ATG7: variants seen among roughly 807,000 people sequenced by gnomAD.
ATG7 encodes autophagy related 7.
In ATG7, 70 loss-of-function variants were observed where a neutral mutation model predicts 82.4. The observed-to-expected ratio is 0.85, with a 90% CI of 0.70 to 1.04. ATG7 has a LOEUF of 1.04. ATG7 is among the 50% of genes least tolerant of loss of function. The probability of loss-of-function intolerance (pLI) is 0.00; values close to 1 mark genes in which losing one functional copy is unlikely to be tolerated. For synonymous variants in ATG7, 287 were observed against 313.0 expected (o/e 0.92, Z 0.88); for missense variants, 792 against 864.3 (o/e 0.92, Z 1.05).
In ATG7 at chr3:11,497,359, A is replaced by ATATATATATG. The variant is rs1279695737; in HGVS notation, c.2080-57443_2080-57442insGTATATATAT. Among the ~76,000 whole-genome samples, 297 of 37,194 alleles carry ATATATATATG rather than the reference A, an allele frequency of 8.0e-3. 6 individuals carry two copies. The highest frequency in any genetic ancestry group is 0.023 in the African/African-American group (265 of 11,406). The allele number at this position is 37,194 out of a possible 152,430, so 24.4% of individuals were successfully genotyped here. ...AAACCCCGTCTGTACTAAAAATACT[A>ATATATATATG]TATATATATATATATATATATATAT... On this transcript the variant is annotated intron_variant, in intron 20 of 20. Coordinates refer to ENST00000693202, the MANE Select transcript of ATG7 (RefSeq NM_001349232.2).
intron 20 of ATG7, among the ~76,000 whole-genome samples, chr3:11,517,915 A>C (rs2092329494): frequency 6.6e-6 from 1 of 152,234 alleles, no homozygotes; most frequent in Non-Finnish European, 1.5e-5. Flanking sequence ...TCAGATTCCT[A>C]CTTCAGAAAG....
intron 19 of ATG7, among the ~76,000 whole-genome samples, chr3:11,388,705 GGT>G (rs2078519631): frequency 6.6e-6 from 1 of 151,922 alleles, no homozygotes; most frequent in African/African-American, 2.4e-5. Context: ...TGGGATTACA[GGT>G]GTGAGCCACT....
At chr3:11,520,558 C>T (rs1188562920) in intron 20 of ATG7, among the ~76,000 whole-genome samples, 1 of 152,140 alleles carries the variant, frequency 6.6e-6, no homozygotes, top group African/African-American at 2.4e-5. Context: ...GCCGTGCTGG[C>T]CCTGGAGGAA....
At chr3:11,361,101 T>TTAC (rs2076253239) in intron 16 of ATG7, among the ~76,000 whole-genome samples, 1 of 152,126 alleles carries the variant, frequency 6.6e-6, no homozygotes, top group African/African-American at 2.4e-5. Flanking sequence ...CAAGATAACA[T>TTAC]TACAAATCAG....
chr3:11,402,541 G>A (rs1010099213), intron 19 of ATG7, among the ~76,000 whole-genome samples: 3 of 152,222 alleles, frequency 2.0e-5, no homozygotes, highest in African/African-American at 7.2e-5. Flanking sequence ...CAACATGGCT[G>A]TGGATTTGAC....
chr3:11,366,256 A>G (rs1043352495), intron 18 of ATG7, among the ~76,000 whole-genome samples: 1 of 151,128 alleles, frequency 6.6e-6, no homozygotes, highest in East Asian at 1.9e-4. Context: ...TGTAGAGTTC[A>G]CTTAGCCTCC....
At chr3:11,341,202 C>T (rs1191010873) in intron 12 of ATG7, among the ~76,000 whole-genome samples, 1 of 151,886 alleles carries the variant, frequency 6.6e-6, no homozygotes, top group Non-Finnish European at 1.5e-5. Flanking sequence ...GCTGGGATTA[C>T]AGGCACGCGC....
chr3:11,292,284 C>T (rs1248607683), intron 3 of ATG7, among the ~76,000 whole-genome samples: 4 of 145,324 alleles, frequency 2.8e-5, no homozygotes, highest in South Asian at 2.2e-4. Flanking sequence ...GACAGAGTCT[C>T]GCTCTGTTGC....
At chr3:11,430,302 A>C (rs951133577) in intron 20 of ATG7, among the ~76,000 whole-genome samples, 1 of 152,158 alleles carries the variant, frequency 6.6e-6, no homozygotes, top group Non-Finnish European at 1.5e-5. Flanking sequence ...ATGCGCATAT[A>C]AGCAAAATAT....
intron 20 of ATG7, among the ~76,000 whole-genome samples, chr3:11,519,751 C>T (rs545081410): frequency 1.1e-4 from 16 of 151,602 alleles, no homozygotes; most frequent in Admixed American, 2.6e-4. Context: ...TTAGTAGAGA[C>T]GGGGTTTCAC....
At chr3:11,507,787 T>C (rs886341191) in intron 20 of ATG7, among the ~76,000 whole-genome samples, 4 of 151,310 alleles carry the variant, frequency 2.6e-5, no homozygotes, top group African/African-American at 4.9e-5. Flanking sequence ...ACACTCTAGA[T>C]GTGGGAAGGA....
chr3:11,309,684 G>A (rs768250425), intron 7 of ATG7, among the ~76,000 whole-genome samples: 11 of 151,900 alleles, frequency 7.2e-5, no homozygotes, highest in Admixed American at 2.0e-4. Flanking sequence ...GCGTGTGTGC[G>A]TACACACACA....
chr3:11,323,358 C>A lies in ATG7; in HGVS notation c.678+7865C>A, dbSNP rs112613224. ...CAACACTGCTTATCATAAATGTTTC[C>A]CCAAGACCCTGCCAGCTTCCCTCCT... On this transcript the variant is annotated intron_variant, in intron 9 of 20. Coordinates refer to ENST00000693202, the MANE Select transcript of ATG7 (RefSeq NM_001349232.2). Among the ~76,000 whole-genome samples the A allele has an allele frequency of 2.6e-3, 403 of 152,278 alleles. 1 individual carries two copies. Among genetic ancestry groups the A allele is most frequent in the African/African-American group, 9.2e-3 (383 of 41,564 alleles).
chr3:11,541,165 G>T (rs1353501240), intron 20 of ATG7, among the ~76,000 whole-genome samples: 1 of 152,194 alleles, frequency 6.6e-6, no homozygotes, highest in Non-Finnish European at 1.5e-5. Context: ...CTCCCAAAGT[G>T]CTGGGATTAC....
At chr3:11,416,497 T>C (rs1479382035) in intron 19 of ATG7, among the ~76,000 whole-genome samples, 1 of 152,168 alleles carries the variant, frequency 6.6e-6, no homozygotes, top group East Asian at 1.9e-4. Flanking sequence ...AGATACGGAG[T>C]TGTTGATAGT....
chr3:11,303,432 G>A (rs1575292028), intron 5 of ATG7, among the ~76,000 whole-genome samples: 1 of 152,226 alleles, frequency 6.6e-6, no homozygotes, highest in South Asian at 2.1e-4. Context: ...CACTTTGGGA[G>A]GCCGAGGCAG....
At chr3:11,319,383 CCCT>C (rs1256892443) in intron 9 of ATG7, among the ~76,000 whole-genome samples, 1 of 152,106 alleles carries the variant, frequency 6.6e-6, no homozygotes, top group Non-Finnish European at 1.5e-5. Flanking sequence ...TGATTCTGCC[CCCT>C]CCTCCTCCTA....
intron 20 of ATG7, among the ~76,000 whole-genome samples, chr3:11,498,839 G>A (rs565632423): frequency 6.6e-6 from 1 of 152,138 alleles, no homozygotes; most frequent in Non-Finnish European, 1.5e-5. Flanking sequence ...CCTTCTCTCT[G>A]AACTCCTGAA....
intron 19 of ATG7, among the ~76,000 whole-genome samples, chr3:11,423,096 C>T (rs185829330): frequency 1.6e-3 from 247 of 152,268 alleles, no homozygotes; most frequent in African/African-American, 5.1e-3. Flanking sequence ...AAATGTGTGA[C>T]TCTTCCTTTC....
Sources: gnomAD v4.1 joint callset for allele counts (sites outside exome capture counted in the v4.1 genomes callset) on GRCh38, gnomAD v4.1.1 for gene constraint, MANE v1.5 for transcripts, NCBI Gene and HGNC (gene_info 2026-07-23, HGNC 2026-07-21) for gene names.